Variants in CPXM2 observed in about 807,000 individuals in gnomAD.
CPXM2 encodes carboxypeptidase X, M14 family member 2, also known as inactive carboxypeptidase-like protein X2.
Under a neutral mutation model 86.1 loss-of-function variants are expected in CPXM2, and 66 were observed. That is an observed-to-expected ratio of 0.77 (90% CI 0.63 to 0.94). CPXM2 has a LOEUF of 0.94. CPXM2 is among the 40% of genes least tolerant of loss of function. The probability of loss-of-function intolerance (pLI) is 0.00; values close to 1 mark genes in which losing one functional copy is unlikely to be tolerated. For missense variants in CPXM2, 948 were observed against 1,026.3 expected, an observed-to-expected ratio of 0.92 and a Z score of 1.04; for synonymous variants, 388 against 400.2, an observed-to-expected ratio of 0.97 and a Z score of 0.36.
chr10:123,836,632 ACT>A (rs770648041), intron 4 of CPXM2, among the ~76,000 whole-genome samples: 6 of 152,080 alleles, frequency 3.9e-5, no homozygotes, highest in South Asian at 2.1e-4. Context: ...CAGATCTTAC[ACT>A]CTCTGAGTTT....
chr10:123,763,438 G>A (rs1205118000), intron 10 of CPXM2, among the ~76,000 whole-genome samples: 2 of 151,846 alleles, frequency 1.3e-5, no homozygotes, highest in Admixed American at 6.6e-5. Flanking sequence ...CCTCCCACTC[G>A]GAGGCACCCA....
intron 3 of CPXM2, among the ~76,000 whole-genome samples, chr10:123,850,276 A>G (rs1343082368): frequency 6.6e-6 from 1 of 152,214 alleles, no homozygotes; most frequent in Admixed American, 6.5e-5. Flanking sequence ...TAGGAATGAG[A>G]GTGAATCTGT....
At chr10:123,836,363 G>A (rs1310499922) in intron 4 of CPXM2, among the ~76,000 whole-genome samples, 1 of 152,012 alleles carries the variant, frequency 6.6e-6, no homozygotes, top group Non-Finnish European at 1.5e-5. Context: ...GCACCTCCAG[G>A]TAATCAGCCC....
intron 1 of CPXM2, among the ~76,000 whole-genome samples, chr10:123,881,567 A>C (rs952104186): frequency 1.3e-5 from 2 of 152,212 alleles, no homozygotes; most frequent in Admixed American, 1.3e-4. Context: ...GCAACTGCAC[A>C]CAGGGTTGTC....
At position 123,926,932 on chromosome 10, in the gene CPXM2, C is replaced by T. The variant is rs1042990774; in HGVS notation, n.174+12545G>A. 1.1e-4 allele frequency among the ~76,000 whole-genome samples: 16 copies of T among 152,308 alleles called. No homozygotes were observed. The South Asian group carries it at 2.5e-3, about 24-fold the overall frequency. On this transcript the variant is annotated intron_variant and non_coding_transcript_variant, in intron 2 of 19. Transcript: ENST00000368854. Reference sequence around the variant, plus strand: ...TTCCCGAGAGTTCCAGCCAAATGCCCCCTAACTGACAGAGCCTCTCAGAGA... The same window carrying T: ...TTCCCGAGAGTTCCAGCCAAATGCCTCCTAACTGACAGAGCCTCTCAGAGA...
intron 6 of CPXM2, among the ~76,000 whole-genome samples, chr10:123,786,134 T>C (rs11248280): frequency 0.25 from 37,554 of 152,212 alleles, 4,891 homozygotes; most frequent in East Asian, 0.44. Flanking sequence ...TTTATGCAGA[T>C]GTAGCTTTAA....
At chr10:123,934,274 G>A (rs1358805027) in intron 2 of CPXM2, among the ~76,000 whole-genome samples, 1 of 152,114 alleles carries the variant, frequency 6.6e-6, no homozygotes, top group Non-Finnish European at 1.5e-5. Context: ...TCACAGTTCT[G>A]GAAGCCAGGA....
chr10:123,800,459 T>G (rs1330659844), intron 4 of CPXM2, among the ~76,000 whole-genome samples: 1 of 152,178 alleles, frequency 6.6e-6, no homozygotes, highest in Non-Finnish European at 1.5e-5. Context: ...CAACAGCTCC[T>G]TCCTTTGCCC....
upstream of CPXM2, among the ~76,000 whole-genome samples, chr10:123,896,069 T>G (rs1333013470): frequency 6.6e-6 from 1 of 152,354 alleles, no homozygotes; most frequent in Middle Eastern, 3.4e-3. Flanking sequence ...AGGAGATTTA[T>G]GTTAAGCTGC....
rs558659854 is a variant in CPXM2 at position 123,786,210 on chromosome 10, A to G, written c.890-5955T>C. Among the ~76,000 whole-genome samples, 4 of 152,304 alleles carry G rather than the reference A, an allele frequency of 2.6e-5. No homozygotes were observed. The East Asian group carries it at 7.7e-4, about 29-fold the overall frequency. On this transcript the variant is annotated intron_variant, in intron 6 of 13. Transcript: ENST00000241305. ...CACTGAACACTGCTACATGCCCAGC[A>G]CTGTGTGAGATGCTGGGGAAATAAG...
At chr10:123,850,487 T>C (rs1848576948) in intron 3 of CPXM2, among the ~76,000 whole-genome samples, 1 of 152,214 alleles carries the variant, frequency 6.6e-6, no homozygotes, top group African/African-American at 2.4e-5. Context: ...TTTCTCACCA[T>C]CCAACGTTGA....
chr10:123,876,113 G>A (rs966091563), intron 2 of CPXM2, among the ~76,000 whole-genome samples: 21 of 151,944 alleles, frequency 1.4e-4, no homozygotes, highest in Non-Finnish European at 2.5e-4. Flanking sequence ...TACTGCACCC[G>A]GCTGATCATG....
At chr10:123,884,433 G>C (rs1387927521) in intron 1 of CPXM2, among the ~76,000 whole-genome samples, 1 of 152,192 alleles carries the variant, frequency 6.6e-6, no homozygotes, top group African/African-American at 2.4e-5. Flanking sequence ...TGTTGGCAGG[G>C]AAAGGGCCAT....
At chr10:123,849,323 A>T (rs1400413151) in intron 3 of CPXM2, among the ~76,000 whole-genome samples, 2 of 151,170 alleles carry the variant, frequency 1.3e-5, no homozygotes. Flanking sequence ...GTACCCATTA[A>T]CTCCCTACTA....
chr10:123,927,022 T>A lies in CPXM2; in HGVS notation n.174+12455A>T, dbSNP rs193177286. ...CAGGTCCTGGGACATAGGAACCCAGTAAGTGTTCATCTGTGGATGGGCACG... is the reference window on the plus strand; with the variant it reads ...CAGGTCCTGGGACATAGGAACCCAGAAAGTGTTCATCTGTGGATGGGCACG... On this transcript the variant is annotated intron_variant and non_coding_transcript_variant, in intron 2 of 19. Transcript: ENST00000368854. 1.5e-3 allele frequency among the ~76,000 whole-genome samples: 233 copies of A among 152,220 alleles called. 1 individual carries two copies. The highest frequency in any genetic ancestry group is 5.1e-3 in the African/African-American group (213 of 41,506).
At chr10:123,903,833 A>C (rs1264456501) in intron 2 of CPXM2, among the ~76,000 whole-genome samples, 1 of 152,250 alleles carries the variant, frequency 6.6e-6, no homozygotes. Context: ...GAGAGATTCA[A>C]ATGAAGCAAG....
chr10:123,835,393 C>T (rs1444351392), intron 4 of CPXM2, among the ~76,000 whole-genome samples: 1 of 152,176 alleles, frequency 6.6e-6, no homozygotes, highest in Admixed American at 6.5e-5. Context: ...AAGCCAAGAA[C>T]GAGCCCCTTG....
intron 2 of CPXM2, among the ~76,000 whole-genome samples, chr10:123,932,283 G>A (rs1945672531): frequency 6.6e-6 from 1 of 152,108 alleles, no homozygotes; most frequent in African/African-American, 2.4e-5. Flanking sequence ...AATCCTCTCA[G>A]CCTCACCTCT....
intron 1 of CPXM2, among the ~76,000 whole-genome samples, chr10:123,883,206 G>A (rs1371998657): frequency 6.6e-6 from 1 of 152,232 alleles, no homozygotes; most frequent in Non-Finnish European, 1.5e-5. Flanking sequence ...CCTGGCAGGG[G>A]GATGGAGGGT....
Sources: gnomAD v4.1 joint callset for allele counts (sites outside exome capture counted in the v4.1 genomes callset) on GRCh38, gnomAD v4.1.1 for gene constraint, MANE v1.5 for transcripts, NCBI Gene and HGNC (gene_info 2026-07-23, HGNC 2026-07-21) for gene names.